PRAME: variants seen among roughly 807,000 people sequenced by gnomAD.
The protein encoded by PRAME is melanoma antigen preferentially expressed in tumors.
A neutral mutation model predicts 32.1 loss-of-function variants in PRAME; 21 were observed. That is an observed-to-expected ratio of 0.65 (90% CI 0.46 to 0.94). The LOEUF (loss-of-function observed/expected upper bound fraction) is 0.94, where lower values mean the gene tolerates loss of function less well. Ranked by LOEUF, PRAME falls within the 40% of genes least tolerant of loss-of-function variation. PRAME has a pLI of 0.00. For synonymous variants in PRAME, 274 were observed against 251.5 expected (o/e 1.09, Z -0.85); for missense variants, 651 against 622.3 (o/e 1.05, Z -0.49).
At chr22:22,548,707 A>G in intron 5 of PRAME, 64 bp from the exon 6 acceptor site, 1 of 1,413,162 alleles carries the variant, frequency 7.1e-7, no homozygotes, top group Non-Finnish European at 9.6e-7. Context: ...GACTGGAGAG[A>G]GGCCCATTTC....
Position 22,552,775 on chromosome 22 carries a change from A to C in PRAME, c.22-1686T>G, listed in dbSNP as rs375252342. ...GAGACCCTGAGGTGACAGTAGAAGGAGGCAGTGGCCATAGCCTGAGGCTCC... is the reference window on the plus strand; with the variant it reads ...GAGACCCTGAGGTGACAGTAGAAGGCGGCAGTGGCCATAGCCTGAGGCTCC... On this transcript the variant is annotated intron_variant, in intron 3 of 5. Coordinates refer to ENST00000405655, the MANE Select transcript of PRAME (RefSeq NM_206956.3). The C allele has an allele frequency of 8.1e-3, 3,764 of 467,558 alleles. 92 individuals are homozygous for C. The highest frequency in any genetic ancestry group is 0.044 in the South Asian group (2,814 of 64,172). 29.0% of individuals were successfully genotyped at this position (467,558 alleles called of 1,614,324 possible). A position where few individuals can be genotyped will look rare whatever the true frequency, so the allele number is the denominator to read the frequency against.
intron 3 of PRAME, among the ~76,000 whole-genome samples, chr22:22,555,429 G>A (rs775747982): frequency 9.9e-5 from 15 of 151,848 alleles, no homozygotes; most frequent in Non-Finnish European, 2.2e-4. Flanking sequence ...GTAGAGATGG[G>A]GTTTCACCAT....
chr22:22,557,002 C>T, intron 2 of PRAME, 93 bp from the exon 3 acceptor site: 1 of 747,290 alleles, frequency 1.3e-6, no homozygotes, highest in Non-Finnish European at 2.2e-6. Flanking sequence ...GCAAATACTG[C>T]TGAGGAAACT....
At chr22:22,556,222 C>T (rs2062907168) in intron 3 of PRAME, among the ~76,000 whole-genome samples, 1 of 151,592 alleles carries the variant, frequency 6.6e-6, no homozygotes, top group African/African-American at 2.4e-5. Flanking sequence ...AGGCTAGTCT[C>T]GAACTCCTGA....
intron 2 of PRAME, 195 bp from the exon 3 acceptor site, chr22:22,557,104 AG>A: frequency 1.8e-6 from 1 of 543,346 alleles, no homozygotes. Context: ...AGGGGGCAGG[AG>A]GAACAACAGA....
chr22:22,548,397 AG>A lies in PRAME; in HGVS notation c.1199del (p.Pro400LeufsTer3). 1 of 1,613,554 alleles carries A rather than the reference AG, an allele frequency of 6.2e-7. No homozygotes were observed. Among genetic ancestry groups the A allele is most frequent in the Non-Finnish European group, 8.5e-7 (1 of 1,179,932 alleles). ...ITDDQLLALLPSLSHCSQLTT... is the reference protein window; with the variant it reads ...ITDDQLLALLXSLSHCSQLTT... ...TAAGCTGGGAGCAGTGGCTCAGGGA[AG>A]GCAGGAGGGCAAGGAGCTGATCATC... On this transcript the variant is annotated frameshift_variant, in exon 6 of 6. Coordinates refer to ENST00000405655, the MANE Select transcript of PRAME (RefSeq NM_206956.3). LOFTEE classifies it low-confidence loss of function (END_TRUNC).
At chr22:22,554,353 T>C (rs2062777369) in intron 3 of PRAME, 1 of 704,304 alleles carries the variant, frequency 1.4e-6, no homozygotes, top group Non-Finnish European at 1.7e-6. Context: ...CGTTGAAGGA[T>C]GTTTTCCATT....
chr22:22,548,916 G>A (rs895360335), intron 5 of PRAME, among the ~76,000 whole-genome samples: 1 of 151,886 alleles, frequency 6.6e-6, no homozygotes, highest in African/African-American at 2.4e-5. Flanking sequence ...GGTGGTGTGA[G>A]CATGAATTGA....
chr22:22,548,620 G>A lies in PRAME; in HGVS notation c.977C>T (p.Thr326Ile). The A allele has an allele frequency of 6.2e-7, 1 of 1,603,846 alleles. No individual in the cohort carries two copies. The highest frequency in any genetic ancestry group is 1.1e-5 in the South Asian group (1 of 90,830). The change falls in exon 6 of 6, where the codon ACC (threonine) becomes ATC (isoleucine). Residue 326 changes from threonine to isoleucine, a missense_variant. Thr to Ile is a moderately conservative substitution (Grantham distance 89). Transcript: ENST00000405655. ...AAGCCGGCAGTTAGTTATTGAGAGGGTTTCCAAGGGGTTCATCACGTGCCT... is the reference window on the plus strand; with the variant it reads ...AAGCCGGCAGTTAGTTATTGAGAGGATTTCCAAGGGGTTCATCACGTGCCT... ...LLRHVMNPLE[T>I]LSITNCRLSE...
rs1365982915 is a variant in PRAME at position 22,548,523 on chromosome 22, C to T, written c.1074G>A (p.Gly358=). ...CGGGACTTACATCGGTCAGCATGAC[C>T]CCACTTAGACTCAGGACACTTAGCT... ...VSQLSVLSLS[G]VMLTDVSPEP... Residue 358 remains glycine, a synonymous_variant, in exon 6 of 6, where the codon GGG becomes GGA. Coordinates refer to ENST00000405655, the MANE Select transcript of PRAME (RefSeq NM_206956.3). 1.2e-6 allele frequency: 2 copies of T among 1,613,518 alleles called. No individual in the cohort carries two copies. Among genetic ancestry groups the T allele is most frequent in the Non-Finnish European group, 8.5e-7 (1 of 1,179,950 alleles).
intron 1 of PRAME, among the ~76,000 whole-genome samples, chr22:22,558,133 A>C (rs188272718): frequency 0.36 from 54 of 148 alleles, 15 homozygotes; most frequent in African/African-American, 0.61. Context: ...GGGAACCGAG[A>C]AGAAAGACAG....
At chr22:22,555,761 C>T (rs2062868962) in intron 3 of PRAME, 1 of 427,020 alleles carries the variant, frequency 2.3e-6, no homozygotes, top group Non-Finnish European at 5.0e-6. Context: ...TGCATGTTCT[C>T]CCTGATCTCC....
At chr22:22,554,353 T>A (rs2062777369) in intron 3 of PRAME, 1 of 704,188 alleles carries the variant, frequency 1.4e-6, no homozygotes, top group Non-Finnish European at 1.7e-6. Context: ...CGTTGAAGGA[T>A]GTTTTCCATT....
intron 3 of PRAME, chr22:22,553,014 G>C: frequency 2.2e-6 from 1 of 453,876 alleles, no homozygotes; most frequent in Non-Finnish European, 4.6e-6. Flanking sequence ...ATCCTGATGG[G>C]GTTTTTTACT....
chr22:22,554,904 T>A (rs781687006), intron 3 of PRAME, among the ~76,000 whole-genome samples: 1 of 151,700 alleles, frequency 6.6e-6, no homozygotes, highest in African/African-American at 2.4e-5. Context: ...CGCGATCAAG[T>A]GTGAGTTGTG....
rs759002381 is a variant in PRAME, at chr22:22,548,637, CA to C, written c.959del (p.Val320GlyfsTer2). ...TTGAGAGGGTTTCCAAGGGGTTCAT[CA>C]CGTGCCTGCAAATAGACAAAGCAGT... ...RGRLDQLLRHVMNPLETLSIT... is the reference protein window; with the variant it reads ...RGRLDQLLRHXMNPLETLSIT... On this transcript the variant is annotated frameshift_variant, in exon 6 of 6. Coordinates refer to ENST00000405655, the MANE Select transcript of PRAME (RefSeq NM_206956.3). LOFTEE classifies it low-confidence loss of function (END_TRUNC). 1 of 1,592,200 alleles carries C rather than the reference CA, an allele frequency of 6.3e-7. No individual in the cohort carries two copies. The highest frequency in any genetic ancestry group is 1.3e-5 in the African/African-American group (1 of 74,828).
At chr22:22,553,942 A>G (rs1188237276) in intron 3 of PRAME, 1 of 984,994 alleles carries the variant, frequency 1.0e-6, no homozygotes, top group Non-Finnish European at 1.2e-6. Context: ...AAGTATTACT[A>G]ATGTTTCCAC....
At position 22,556,897 on chromosome 22, in the gene PRAME, T is replaced by C. The variant is rs535551972; in HGVS notation, c.-65A>G. ...TGGATTTCTAGGTCTCAGTCACTTG[T>C]TGCCACGCACGTCTGAGAGTAATAA... On this transcript the variant is annotated 5_prime_UTR_variant, in exon 3 of 6. Coordinates refer to ENST00000405655, the MANE Select transcript of PRAME (RefSeq NM_206956.3). 3 of 1,581,702 alleles carry C rather than the reference T, an allele frequency of 1.9e-6. No individual in the cohort carries two copies. The highest frequency in any genetic ancestry group is 2.2e-5 in the East Asian group (1 of 44,604).
chr22:22,549,725 C>T lies in PRAME; in HGVS notation c.953+1G>A, dbSNP rs755203211. Reference sequence around the variant, plus strand: ...TGCAGAGAAATCTCACCATCCCTCACCTGAGCAACTGATCCAGGCGGCCTC... The same window carrying T: ...TGCAGAGAAATCTCACCATCCCTCATCTGAGCAACTGATCCAGGCGGCCTC... On this transcript the variant is annotated splice_donor_variant, in intron 5 of 5. Transcript: ENST00000405655. LOFTEE classifies it high-confidence loss of function. 6.3e-7 allele frequency: 1 copy of T among 1,595,852 alleles called. No homozygotes were observed. Among genetic ancestry groups the T allele is most frequent in the Non-Finnish European group, 8.5e-7 (1 of 1,173,192 alleles).
Sources: gnomAD v4.1 joint callset for allele counts (sites outside exome capture counted in the v4.1 genomes callset) on GRCh38, gnomAD v4.1.1 for gene constraint, MANE v1.5 for transcripts, NCBI Gene and HGNC (gene_info 2026-07-23, HGNC 2026-07-21) for gene names.